The following PRUNE2 variants were observed in gnomAD, a reference collection of about 807,000 sequenced individuals.
The protein encoded by PRUNE2 is prune homolog 2 with BCH domain.
A neutral mutation model predicts 252.0 loss-of-function variants in PRUNE2; 164 were observed. The observed-to-expected ratio is 0.65, with a 90% confidence interval of 0.57 to 0.74. The LOEUF (loss-of-function observed/expected upper bound fraction) is 0.74. Ranked by LOEUF, PRUNE2 falls within the 30% of genes least tolerant of loss-of-function variation. The pLI is 0.00. For missense variants in PRUNE2, 3,495 were observed against 3,711.0 expected, an observed-to-expected ratio of 0.94 and a Z score of 1.51; for synonymous variants, 1,292 against 1,350.2, an observed-to-expected ratio of 0.96 and a Z score of 0.94.
At chr9:76,784,648 G>C (rs774838550) in intron 6 of PRUNE2, 3 of 152,092 alleles carry the variant, frequency 2.0e-5, no homozygotes, top group African/African-American at 7.2e-5. Context: ...TACTCATTTT[G>C]TTCAAAGACC....
In PRUNE2 at chr9:76,703,982, T is replaced by C. The variant is rs374100873; in HGVS notation, c.7631A>G (p.His2544Arg). 15 of 1,613,816 alleles carry C rather than the reference T, an allele frequency of 9.3e-6. No individual in the cohort carries two copies. Among genetic ancestry groups the C allele is most frequent in the South Asian group, 2.2e-5 (2 of 91,090 alleles). ...AAGTATGTAATCCATGTGTAGTGCATGACGATCTTCATTCTTCTCTGTACA... is the reference window on the plus strand; with the variant it reads ...AAGTATGTAATCCATGTGTAGTGCACGACGATCTTCATTCTTCTCTGTACA... The part of the protein sequence containing the change: ...ERCTEKNEDR[H>R]ALHMDYILVN... The change falls in exon 9 of 19, where the codon CAT becomes CGT. Residue 2544 changes from histidine to arginine, a missense_variant. By Grantham distance (29) the His-to-Arg change is conservative. Transcript: ENST00000376718.
intron 17 of PRUNE2, among the ~76,000 whole-genome samples, chr9:76,622,303 A>G (rs1340857604): frequency 6.6e-6 from 1 of 152,148 alleles, no homozygotes; most frequent in African/African-American, 2.4e-5. Flanking sequence ...AGAGAACAAA[A>G]TAGTGGATGT....
chr9:76,816,664 A>G (rs1225860118), intron 6 of PRUNE2, among the ~76,000 whole-genome samples: 1 of 152,160 alleles, frequency 6.6e-6, no homozygotes, highest in Non-Finnish European at 1.5e-5. Context: ...TTCCCCAGCT[A>G]CTCGGAGTTT....
At chr9:76,697,889 C>G (rs1339367597) in intron 9 of PRUNE2, among the ~76,000 whole-genome samples, 1 of 152,110 alleles carries the variant, frequency 6.6e-6, no homozygotes, top group Non-Finnish European at 1.5e-5. Context: ...AGAAAATAAT[C>G]TATTTGTCAG....
At chr9:76,817,242 T>G (rs1226982925) in intron 6 of PRUNE2, among the ~76,000 whole-genome samples, 1 of 152,182 alleles carries the variant, frequency 6.6e-6, no homozygotes, top group Non-Finnish European at 1.5e-5. Context: ...TAGTCTTGCA[T>G]GCTGGCACCA....
chr9:76,733,259 T>C (rs1176181630), intron 6 of PRUNE2, among the ~76,000 whole-genome samples: 1 of 152,166 alleles, frequency 6.6e-6, no homozygotes, highest in African/African-American at 2.4e-5. Context: ...CTACTGCACA[T>C]CAACACAGCT....
At position 76,637,423 on chromosome 9, in the gene PRUNE2, G is replaced by A. The variant is rs1840649284; in HGVS notation, c.8958C>T (p.Asp2986=). Residue 2986 remains aspartate (D), a synonymous_variant, in exon 14 of 19, where the codon GAC becomes GAT. Transcript: ENST00000376718. ...AAATAATAGAGCCCACATACCGTCT[G>A]TCAATCATCTGGTAGCATTTCTTCA... ...GWMKKCYQMI[D]RRLRKNLKSF... is the part of the protein sequence containing the mutation. 1 of 1,613,520 alleles carries A rather than the reference G, an allele frequency of 6.2e-7. No individual in the cohort carries two copies. The highest frequency in any genetic ancestry group is 8.5e-7 in the Non-Finnish European group (1 of 1,179,752).
chr9:76,643,178 A>G (rs576538719), intron 12 of PRUNE2, among the ~76,000 whole-genome samples: 1 of 152,316 alleles, frequency 6.6e-6, no homozygotes, highest in South Asian at 2.1e-4. Context: ...AAGAACAAGC[A>G]GGCGAGTCTA....
chr9:76,774,450 C>CCTT (rs2053467196), intron 6 of PRUNE2, among the ~76,000 whole-genome samples: 1 of 41,402 alleles, frequency 2.4e-5, no homozygotes, highest in African/African-American at 1.9e-4. Flanking sequence ...CAGTTCAACC[C>CCTT]TTTTTTTTTT....
intron 6 of PRUNE2, chr9:76,748,705 G>A (rs2050352272): frequency 1.3e-5 from 2 of 152,190 alleles, no homozygotes. Flanking sequence ...TCTTAAATCT[G>A]GATGACTGAA....
At chr9:76,616,197 T>G (rs1167576426) in intron 18 of PRUNE2, among the ~76,000 whole-genome samples, 1 of 152,232 alleles carries the variant, frequency 6.6e-6, no homozygotes, top group Admixed American at 6.5e-5. Flanking sequence ...ACTTGTTTTC[T>G]TACCTGCAGA....
chr9:76,837,914 G>T (rs919167057), intron 4 of PRUNE2, among the ~76,000 whole-genome samples: 1 of 151,420 alleles, frequency 6.6e-6, no homozygotes, highest in African/African-American at 2.4e-5. Flanking sequence ...TGGGACTACA[G>T]GCGCCTGCCA....
intron 9 of PRUNE2, among the ~76,000 whole-genome samples, chr9:76,665,982 C>A (rs948961924): frequency 6.6e-6 from 1 of 152,074 alleles, no homozygotes; most frequent in African/African-American, 2.4e-5. Flanking sequence ...ATCATTAGTT[C>A]GTAGCAATTA....
chr9:76,710,866 T>C lies in PRUNE2; in HGVS notation c.1408A>G (p.Ser470Gly), dbSNP rs750699311. 2.7e-5 allele frequency: 42 copies of C among 1,544,804 alleles called. No homozygotes were observed. In the Middle Eastern group the frequency reaches 5.3e-4, roughly 19 times the overall value. The change falls in exon 8 of 19, where the codon AGC becomes GGC. Residue 470 changes from serine to glycine, a missense_variant. Ser to Gly is a moderately conservative substitution (Grantham distance 56). Transcript: ENST00000376718. ...GCCACCGCCCCTTCAGGGATGGGGCTGTAGGAGTCAAGCCCTGGGAGAAGG... is the reference window on the plus strand; with the variant it reads ...GCCACCGCCCCTTCAGGGATGGGGCCGTAGGAGTCAAGCCCTGGGAGAAGG... ...HTLLPGLDSY[S>G]PIPEGAVAEE...
chr9:76,710,442 G>A lies in PRUNE2; in HGVS notation c.1832C>T (p.Thr611Ile). ...LKNTGKRIPP[T>I]PMNSLVESSP... ...GCTTTCTACTAAACTATTCATGGGT[G>A]TTGGTGGGATCCTCTTTCCAGTATT... Residue 611 changes from threonine (T) to isoleucine (I), a missense_variant, in exon 8 of 19, where the codon ACA becomes ATA. Coordinates refer to ENST00000376718, the MANE Select transcript of PRUNE2 (RefSeq NM_015225.3). 3 of 1,614,024 alleles carry A rather than the reference G, an allele frequency of 1.9e-6. No homozygotes were observed. The highest frequency in any genetic ancestry group is 2.5e-6 in the Non-Finnish European group (3 of 1,179,904).
At chr9:76,885,055 C>T (rs2062011100) in intron 1 of PRUNE2, among the ~76,000 whole-genome samples, 1 of 152,228 alleles carries the variant, frequency 6.6e-6, no homozygotes, top group Non-Finnish European at 1.5e-5. Context: ...TGTGCCACAC[C>T]TTTCACCATA....
At chr9:76,817,414 C>T (rs1052037317) in intron 6 of PRUNE2, among the ~76,000 whole-genome samples, 1 of 152,156 alleles carries the variant, frequency 6.6e-6, no homozygotes, top group Non-Finnish European at 1.5e-5. Context: ...AAATTGGTTC[C>T]TTTTCATGGG....
intron 5 of PRUNE2, among the ~76,000 whole-genome samples, chr9:76,825,141 C>A (rs1453156427): frequency 6.6e-6 from 1 of 152,162 alleles, no homozygotes; most frequent in Non-Finnish European, 1.5e-5. Context: ...AGAATTAAGG[C>A]CCCCTGGGTC....
At chr9:76,714,210 C>G (rs1015192169) in intron 6 of PRUNE2, among the ~76,000 whole-genome samples, 3 of 147,904 alleles carry the variant, frequency 2.0e-5, no homozygotes, top group African/African-American at 5.0e-5. Context: ...GATCTTTATT[C>G]CAGTGTAGAA....
Sources: allele counts gnomAD v4.1 joint callset (sites outside exome capture counted in the v4.1 genomes callset), GRCh38; gene constraint gnomAD v4.1.1; transcripts MANE v1.5; gene names NCBI Gene and HGNC (gene_info 2026-07-23, HGNC 2026-07-21).